Variants in IPMK observed in about 807,000 individuals in gnomAD.
IPMK encodes inositol 1,3,4,6-tetrakisphosphate 5-kinase.
In IPMK, 17 loss-of-function variants were observed where a neutral mutation model predicts 45.8. The observed-to-expected ratio is 0.37, with a 90% confidence interval of 0.25 to 0.56. IPMK has a LOEUF of 0.56. IPMK is among the 20% of genes least tolerant of loss of function. The pLI, the probability that IPMK is intolerant of heterozygous loss-of-function variation, is 0.79. For synonymous variants in IPMK, 180 were observed against 184.3 expected (o/e 0.98, Z 0.19); for missense variants, 399 against 498.0 (o/e 0.80, Z 1.89).
intron 1 of IPMK, among the ~76,000 whole-genome samples, chr10:58,244,462 GGCC>G (rs1325985248): frequency 6.0e-3 from 460 of 77,152 alleles, no homozygotes; most frequent in African/African-American, 0.018. Flanking sequence ...ACCTCTGCCC[GGCC>G]GCCGCCCCGT....
chr10:58,239,004 C>G (rs1261674730), intron 1 of IPMK, among the ~76,000 whole-genome samples: 2 of 151,970 alleles, frequency 1.3e-5, no homozygotes, highest in South Asian at 4.1e-4. Flanking sequence ...AGAAAATTAG[C>G]TGGGCATGGT....
chr10:58,227,265 G>A (rs1400921481), intron 2 of IPMK, 126 bp from the exon 3 acceptor site: 1 of 641,604 alleles, frequency 1.6e-6, no homozygotes, highest in African/African-American at 1.8e-5. Flanking sequence ...AAGTAAATTT[G>A]GAACAAGCAA....
Position 58,249,494 on chromosome 10 carries a change from T to C in IPMK, c.191-11680A>G, listed in dbSNP as rs374042270. On this transcript the variant is annotated intron_variant, in intron 1 of 5. Coordinates refer to ENST00000373935, the MANE Select transcript of IPMK (RefSeq NM_152230.5). Reference sequence around the variant, plus strand: ...GTTGAGCACTTTTTCATACCCCAACTGGTCATTTGTATGTCCACTTTTGAG... The same window carrying C: ...GTTGAGCACTTTTTCATACCCCAACCGGTCATTTGTATGTCCACTTTTGAG... Among the ~76,000 whole-genome samples, 13 of 147,362 alleles carry C rather than the reference T, an allele frequency of 8.8e-5. No individual in the cohort carries two copies. In the East Asian group the frequency reaches 2.0e-3, roughly 23 times the overall value.
intron 4 of IPMK, among the ~76,000 whole-genome samples, chr10:58,213,631 G>A (rs539612856): frequency 6.6e-6 from 1 of 151,778 alleles, no homozygotes; most frequent in South Asian, 2.1e-4. Context: ...AGCTTGCAGT[G>A]AGCAGAGATG....
intron 3 of IPMK, among the ~76,000 whole-genome samples, chr10:58,217,789 C>G (rs978123523): frequency 6.7e-6 from 1 of 149,590 alleles, no homozygotes; most frequent in Non-Finnish European, 1.5e-5. Flanking sequence ...TCCTCAAACA[C>G]AGAAAAGATT....
intron 4 of IPMK, among the ~76,000 whole-genome samples, chr10:58,210,028 G>T (rs914097763): frequency 6.6e-6 from 1 of 152,118 alleles, no homozygotes; most frequent in Non-Finnish European, 1.5e-5. Flanking sequence ...TATCAGGGCA[G>T]GTAGAGAAAA....
intron 1 of IPMK, among the ~76,000 whole-genome samples, chr10:58,244,891 G>A (rs1001916158): frequency 7.2e-5 from 11 of 151,988 alleles, no homozygotes; most frequent in African/African-American, 2.7e-4. Context: ...AGTACCCAGG[G>A]ACACAAACAG....
chr10:58,267,861 G>A lies in IPMK; in HGVS notation c.-250C>T. 1 of 454,140 alleles carries A rather than the reference G, an allele frequency of 2.2e-6. No homozygotes were observed. 28.1% of individuals were successfully genotyped at this position (454,140 alleles called of 1,614,324 possible). A position where few individuals can be genotyped will look rare whatever the true frequency, so the allele number is the denominator to read the frequency against. ...TCTGCCGCCGCAGCCGCCGGCCCCG[G>A]CGCTGCCCGGTAGACAGAACCGAGC... is the stretch of plus-strand genomic sequence containing the variant. On this transcript the variant is annotated 5_prime_UTR_variant, in exon 1 of 6. Coordinates refer to ENST00000373935, the MANE Select transcript of IPMK (RefSeq NM_152230.5).
intron 1 of IPMK, among the ~76,000 whole-genome samples, chr10:58,261,106 A>AT (rs529957814): frequency 0.014 from 91 of 6,308 alleles, 1 homozygote; most frequent in South Asian, 0.081. Context: ...CGGCTGAGCT[A>AT]TAAAAAAAAA....
intron 1 of IPMK, among the ~76,000 whole-genome samples, chr10:58,251,683 C>G (rs1838882618): frequency 6.6e-6 from 1 of 152,176 alleles, no homozygotes; most frequent in South Asian, 2.1e-4. Flanking sequence ...TACACATTTA[C>G]AATTGTTATA....
intron 3 of IPMK, among the ~76,000 whole-genome samples, chr10:58,218,751 T>A (rs1173000052): frequency 1.3e-5 from 2 of 152,170 alleles, no homozygotes; most frequent in African/African-American, 4.8e-5. Flanking sequence ...ACAAACTTTT[T>A]ATGATAAGAT....
chr10:58,225,841 A>G lies in IPMK; in HGVS notation c.373+1202T>C, dbSNP rs1838406064. ...TCCACTTACAGCAAAGAGGGAAAAA[A>G]AAGGAAGGCATTAAATGGGTTTGCG... On this transcript the variant is annotated intron_variant, in intron 3 of 5. Coordinates refer to ENST00000373935, the MANE Select transcript of IPMK (RefSeq NM_152230.5). 2.0e-5 allele frequency among the ~76,000 whole-genome samples: 3 copies of G among 152,160 alleles called. No individual in the cohort carries two copies. In the South Asian group the frequency reaches 6.2e-4, roughly 31 times the overall value.
chr10:58,227,222 G>C (rs1282475848), intron 2 of IPMK, 83 bp from the exon 3 acceptor site: 1 of 1,029,904 alleles, frequency 9.7e-7, no homozygotes, highest in Non-Finnish European at 1.4e-6. Context: ...AATTTATGTT[G>C]AATTATAATT....
chr10:58,221,749 T>G (rs148628282), intron 3 of IPMK, among the ~76,000 whole-genome samples: 9 of 151,652 alleles, frequency 5.9e-5, no homozygotes, highest in African/African-American at 2.2e-4. Context: ...TCTTTTCTTT[T>G]CTCTTTATTT....
At chr10:58,256,177 G>A (rs951955889) in intron 1 of IPMK, among the ~76,000 whole-genome samples, 2 of 152,302 alleles carry the variant, frequency 1.3e-5, no homozygotes, top group Non-Finnish European at 1.5e-5. Context: ...TGCCTGCGGG[G>A]CCAGGCAGAA....
Position 58,244,131 on chromosome 10 carries a change from A to G in IPMK, c.191-6317T>C, listed in dbSNP as rs542770220. ...GGGAAGTGGGCGCCTCTGCCTGGCC[A>G]CCCTGTCTGGGAGGTGAGGGGCGTC... On this transcript the variant is annotated intron_variant, in intron 1 of 5. Coordinates refer to ENST00000373935, the MANE Select transcript of IPMK (RefSeq NM_152230.5). 4.6e-3 allele frequency among the ~76,000 whole-genome samples: 474 copies of G among 102,210 alleles called. 2 individuals are homozygous for G. The highest frequency in any genetic ancestry group is 7.0e-3 in the Non-Finnish European group (356 of 50,994). 67.1% of individuals were successfully genotyped at this position (102,210 alleles called of 152,430 possible).
At chr10:58,226,444 T>C (rs1838416692) in intron 3 of IPMK, among the ~76,000 whole-genome samples, 1 of 152,202 alleles carries the variant, frequency 6.6e-6, no homozygotes, top group Non-Finnish European at 1.5e-5. Context: ...TGAAGCCCTT[T>C]CCCCTCAATT....
At chr10:58,220,057 A>G (rs558108894) in intron 3 of IPMK, among the ~76,000 whole-genome samples, 3 of 152,312 alleles carry the variant, frequency 2.0e-5, no homozygotes, top group East Asian at 3.9e-4. Context: ...GCCCACAGTC[A>G]CTGACTGGGG....
chr10:58,217,391 G>A (rs1838260105), intron 3 of IPMK, among the ~76,000 whole-genome samples: 1 of 151,566 alleles, frequency 6.6e-6, no homozygotes, highest in Non-Finnish European at 1.5e-5. Context: ...CCTTTCCTGG[G>A]TTAAAGAACC....
Sources: gnomAD v4.1 joint callset for allele counts (sites outside exome capture counted in the v4.1 genomes callset) on GRCh38, gnomAD v4.1.1 for gene constraint, MANE v1.5 for transcripts, NCBI Gene and HGNC (gene_info 2026-07-23, HGNC 2026-07-21) for gene names.